The following ADCY7 variants were observed in gnomAD, a reference collection of about 807,000 sequenced individuals.
The protein encoded by ADCY7 is adenylate cyclase type 7.
ADCY7 carries 72 observed loss-of-function variants against 120.6 expected under a neutral mutation model. That is an observed-to-expected ratio of 0.60 (90% CI 0.49 to 0.73). The LOEUF (loss-of-function observed/expected upper bound fraction) is 0.73. Among genes scored for constraint, ADCY7 ranks in the 30% least tolerant of loss-of-function variants. The probability of loss-of-function intolerance (pLI) is 0.00; values close to 1 mark genes in which losing one functional copy is unlikely to be tolerated. For synonymous variants in ADCY7, 661 were observed against 628.0 expected, an observed-to-expected ratio of 1.05 and a Z score of -0.78; for missense variants, 1,227 against 1,486.0, an observed-to-expected ratio of 0.83 and a Z score of 2.87.
At chr16:50,259,031 T>C (rs928941080) in intron 1 of ADCY7, among the ~76,000 whole-genome samples, 1 of 152,230 alleles carries the variant, frequency 6.6e-6, no homozygotes, top group East Asian at 1.9e-4. Context: ...TTCTTGATTG[T>C]AGCTGGTTTT....
At chr16:50,289,460 G>A in intron 2 of ADCY7, 1 of 291,664 alleles carries the variant, frequency 3.4e-6, no homozygotes, top group South Asian at 2.5e-5. Context: ...TGGGTAATGT[G>A]ACTGAGGAAC....
chr16:50,290,680 C>G lies in ADCY7; in HGVS notation c.375+20C>G. 6.2e-7 allele frequency: 1 copy of G among 1,604,148 alleles called. No homozygotes were observed. ...GAGCAGGTAACAGGAACTCTGGACT[C>G]CCTGCCAGCTGCGCCTTCAGCAGCT... On this transcript the variant is annotated intron_variant, in intron 3 of 25. Transcript: ENST00000673801.
intron 2 of ADCY7, among the ~76,000 whole-genome samples, chr16:50,288,732 C>T (rs1260523889): frequency 2.0e-5 from 3 of 152,272 alleles, no homozygotes; most frequent in African/African-American, 7.2e-5. Flanking sequence ...CCTGCTTCGG[C>T]CCCCCAAAGT....
chr16:50,289,282 T>C (rs1426444107), intron 2 of ADCY7: 2 of 424,226 alleles, frequency 4.7e-6, no homozygotes, highest in Non-Finnish European at 9.4e-6. Context: ...GTAATCCTCC[T>C]GCCTTGGCCT....
In ADCY7 at chr16:50,305,883, A is replaced by T. The variant is rs769999215; in HGVS notation, c.1752+34A>T. 4 of 1,607,128 alleles carry T rather than the reference A, an allele frequency of 2.5e-6. No individual in the cohort carries two copies. The Admixed American group carries it at 5.0e-5, about 20-fold the overall frequency. ...CCCCAGCAGCCTCCTCCGCAGAGGG[A>T]CGGGGTCTCCAGGCCTGGGGTAGGG... On this transcript the variant is annotated intron_variant, in intron 14 of 25. Coordinates refer to ENST00000673801, the MANE Select transcript of ADCY7 (RefSeq NM_001114.5).
At chr16:50,253,543 C>G (rs559047512) in intron 1 of ADCY7, among the ~76,000 whole-genome samples, 1 of 152,154 alleles carries the variant, frequency 6.6e-6, no homozygotes, top group African/African-American at 2.4e-5. Context: ...TGTGAGCCAC[C>G]GCACCCAGCC....
intron 1 of ADCY7, among the ~76,000 whole-genome samples, chr16:50,271,919 G>A (rs1174557737): frequency 6.6e-6 from 1 of 152,172 alleles, no homozygotes; most frequent in Non-Finnish European, 1.5e-5. Flanking sequence ...GGGGCCCAAG[G>A]GACGCCGGGA....
chr16:50,295,345 A>ATTTTTTTTTTTTTTTTTT lies in ADCY7; in HGVS notation c.948+607_948+624dup, dbSNP rs67137852. 6.0e-5 allele frequency among the ~76,000 whole-genome samples: 5 copies of ATTTTTTTTTTTTTTTTTT among 82,746 alleles called. 1 individual carries two copies. The highest frequency in any genetic ancestry group is 1.6e-4 in the Admixed American group (1 of 6,326). The allele number at this position is 82,746 out of a possible 152,430, so 54.3% of individuals were successfully genotyped here. On this transcript the variant is annotated intron_variant, in intron 7 of 25. Coordinates refer to ENST00000673801, the MANE Select transcript of ADCY7 (RefSeq NM_001114.5). ...AGGCATGCACCACCACGCCTGGCTA[A>ATTTTTTTTTTTTTTTTTT]TTTTTTTTTTTTTTTTTTTTTTTTT...
At chr16:50,295,528 G>A (rs539472195) in intron 7 of ADCY7, among the ~76,000 whole-genome samples, 1 of 151,966 alleles carries the variant, frequency 6.6e-6, no homozygotes, top group South Asian at 2.1e-4. Context: ...AAAAATATCT[G>A]AGGAGGAAAG....
At chr16:50,313,435 CAA>C (rs764858899) in intron 22 of ADCY7, 38 of 164,528 alleles carry the variant, frequency 2.3e-4, no homozygotes, top group Non-Finnish European at 3.7e-4. Context: ...ACAACAACAA[CAA>C]AAAAAAAACG....
chr16:50,302,841 T>C (rs1033501885), intron 10 of ADCY7, among the ~76,000 whole-genome samples: 2 of 152,214 alleles, frequency 1.3e-5, no homozygotes, highest in Admixed American at 6.5e-5. Context: ...CCCTCCTGTG[T>C]GCAGGGTGCT....
chr16:50,304,815 C>T lies in ADCY7; in HGVS notation c.1561-110C>T. 3 of 1,460,414 alleles carry T rather than the reference C, an allele frequency of 2.1e-6. No homozygotes were observed. The African/African-American group carries it at 4.2e-5, about 20-fold the overall frequency. The allele number at this position is 1,460,414 out of a possible 1,614,324, so 90.5% of individuals were successfully genotyped here. On this transcript the variant is annotated intron_variant, in intron 11 of 25. Coordinates refer to ENST00000673801, the MANE Select transcript of ADCY7 (RefSeq NM_001114.5). ...ATGTCTGTGGCTTGGACGACCCCGA[C>T]ACCTTGTCCTGTGTATCAAGTGCCG...
At chr16:50,301,292 G>A (rs1162807943) in intron 10 of ADCY7, 78 bp downstream of exon 10, 1 of 1,488,732 alleles carries the variant, frequency 6.7e-7, no homozygotes, top group Non-Finnish European at 9.0e-7. Context: ...CCCGCACCTT[G>A]GAGGAAACCC....
chr16:50,268,676 TTTGC>T lies in ADCY7; in HGVS notation c.-269+2000_-269+2003del, dbSNP rs2033369820. On this transcript the variant is annotated intron_variant, in intron 1 of 25. Transcript: ENST00000673801. ...CTTTGCCAGGAGTAGGTCTGGGAGGTTTGCTTGAGGGCATGGAGGTTGGTGTAGG... is the reference window on the plus strand; with the variant it reads ...CTTTGCCAGGAGTAGGTCTGGGAGGTTTGAGGGCATGGAGGTTGGTGTAGG... 2.6e-5 allele frequency among the ~76,000 whole-genome samples: 4 copies of T among 151,856 alleles called. No individual in the cohort carries two copies. In the South Asian group the frequency reaches 8.4e-4, roughly 32 times the overall value.
intron 1 of ADCY7, among the ~76,000 whole-genome samples, chr16:50,261,263 G>A (rs542850393): frequency 6.6e-6 from 1 of 152,334 alleles, no homozygotes; most frequent in Admixed American, 6.5e-5. Flanking sequence ...GGAGGTGATG[G>A]TGGGGCACTG....
At chr16:50,287,679 T>TG (rs1555519965) in intron 1 of ADCY7, among the ~76,000 whole-genome samples, 1 of 101,480 alleles carries the variant, frequency 9.9e-6, no homozygotes, top group Non-Finnish European at 2.0e-5. Flanking sequence ...GGCCCTGTCT[T>TG]GAAAAAAAAA....
intron 1 of ADCY7, among the ~76,000 whole-genome samples, chr16:50,260,683 G>T (rs1216745594): frequency 1.3e-5 from 2 of 152,220 alleles, no homozygotes; most frequent in East Asian, 3.9e-4. Flanking sequence ...AGGCTTGACT[G>T]GGGCTGGAGG....
chr16:50,271,829 C>T (rs1008460691), intron 1 of ADCY7, among the ~76,000 whole-genome samples: 20 of 152,182 alleles, frequency 1.3e-4, no homozygotes, highest in African/African-American at 4.1e-4. Context: ...GGGACCCAGC[C>T]GGCTCTGCTC....
At position 50,305,613 on chromosome 16, in the gene ADCY7, C is replaced by G. The variant is rs777045209; in HGVS notation, c.1679+27C>G. ...TGAGGTCTGAGACCTCTGTCCACCCCCCTCTCCTCTCCCCCTCGGATAGGG... is the reference window on the plus strand; with the variant it reads ...TGAGGTCTGAGACCTCTGTCCACCCGCCTCTCCTCTCCCCCTCGGATAGGG... On this transcript the variant is annotated intron_variant, in intron 13 of 25. Coordinates refer to ENST00000673801, the MANE Select transcript of ADCY7 (RefSeq NM_001114.5). The G allele has an allele frequency of 5.1e-6, 8 of 1,574,222 alleles. No homozygotes were observed. In the East Asian group the frequency reaches 1.8e-4, roughly 35 times the overall value.
Sources: allele counts gnomAD v4.1 joint callset (sites outside exome capture counted in the v4.1 genomes callset), GRCh38; gene constraint gnomAD v4.1.1; transcripts MANE v1.5; gene names NCBI Gene and HGNC (gene_info 2026-07-23, HGNC 2026-07-21).